PNLIP: variants seen among roughly 807,000 people sequenced by gnomAD.
The protein encoded by PNLIP is pancreatic triacylglycerol lipase.
PNLIP carries 49 observed loss-of-function variants against 57.1 expected under a neutral mutation model. The observed-to-expected ratio is 0.86, with a 90% CI of 0.68 to 1.09. The LOEUF (loss-of-function observed/expected upper bound fraction) is 1.09, where lower values mean the gene tolerates loss of function less well. Ranked by LOEUF, PNLIP falls within the 50% of genes least tolerant of loss-of-function variation. The pLI, the probability that PNLIP is intolerant of heterozygous loss-of-function variation, is 0.00. For missense variants in PNLIP, 503 were observed against 570.2 expected, an observed-to-expected ratio of 0.88 and a Z score of 1.20; for synonymous variants, 209 against 200.4, an observed-to-expected ratio of 1.04 and a Z score of -0.36.
At chr10:116,557,458 G>C (rs529264396) in intron 9 of PNLIP, among the ~76,000 whole-genome samples, 1 of 152,248 alleles carries the variant, frequency 6.6e-6, no homozygotes, top group South Asian at 2.1e-4. Context: ...GGAGTCCATG[G>C]GTGTAAAGTT....
At position 116,560,593 on chromosome 10, in the gene PNLIP, C is replaced by T. The variant is rs1847305361; in HGVS notation, c.1169+69C>T. The T allele has an allele frequency of 4.2e-6, 3 of 708,656 alleles. No homozygotes were observed. The South Asian group carries it at 5.8e-5, about 14-fold the overall frequency. The allele number at this position is 708,656 out of a possible 1,614,324, so 43.9% of individuals were successfully genotyped here. A position where few individuals can be genotyped will look rare whatever the true frequency, so the allele number is the denominator to read the frequency against. ...TTTGAGTCGGAGTCTCGCTGTGTCG[C>T]CGGGGCTGGAGTCTTGCTCTGTCAC... On this transcript the variant is annotated intron_variant, in intron 11 of 12. Coordinates refer to ENST00000369221, the MANE Select transcript of PNLIP (RefSeq NM_000936.4).
chr10:116,567,506 G>T (rs181392381), intron 12 of PNLIP, among the ~76,000 whole-genome samples: 11 of 152,140 alleles, frequency 7.2e-5, no homozygotes, highest in Non-Finnish European at 1.5e-4. Flanking sequence ...TCTTTGGGGC[G>T]TCTACTGACA....
chr10:116,546,260 C>T, intron 2 of PNLIP, 122 bp downstream of exon 2: 1 of 809,652 alleles, frequency 1.2e-6, no homozygotes, highest in Non-Finnish European at 2.1e-6. Context: ...GAGTAAAGCA[C>T]AGGAGACGCA....
At chr10:116,561,672 G>A (rs201482195) in intron 12 of PNLIP, 36 bp downstream of exon 12, 19 of 1,566,668 alleles carry the variant, frequency 1.2e-5, no homozygotes, top group Admixed American at 6.8e-5. Flanking sequence ...GTGAAATATC[G>A]AGTCTGTGTT....
At chr10:116,559,599 TG>T (rs1269263340) in intron 10 of PNLIP, among the ~76,000 whole-genome samples, 1 of 152,180 alleles carries the variant, frequency 6.6e-6, no homozygotes, top group African/African-American at 2.4e-5. Context: ...CTGAGATTTT[TG>T]TAAAAGCAGA....
At chr10:116,551,797 A>G (rs1847196958) in intron 5 of PNLIP, among the ~76,000 whole-genome samples, 1 of 152,174 alleles carries the variant, frequency 6.6e-6, no homozygotes, top group Non-Finnish European at 1.5e-5. Flanking sequence ...AGTTAAACCC[A>G]TTTCCATTTT....
At position 116,548,554 on chromosome 10, in the gene PNLIP, C is replaced by G; in HGVS notation, c.324+72C>G. 3 of 1,511,874 alleles carry G rather than the reference C, an allele frequency of 2.0e-6. No individual in the cohort carries two copies. In the East Asian group the frequency reaches 6.9e-5, roughly 35 times the overall value. 93.7% of individuals were successfully genotyped at this position (1,511,874 alleles called of 1,614,324 possible). A position where few individuals can be genotyped will look rare whatever the true frequency, so the allele number is the denominator to read the frequency against. On this transcript the variant is annotated intron_variant, in intron 4 of 12. Coordinates refer to ENST00000369221, the MANE Select transcript of PNLIP (RefSeq NM_000936.4). ...ATTAACAAACGGTAAGGCACTGGCC[C>G]CGACCAATGAGGACAGTGCTTGGAG... is the stretch of plus-strand genomic sequence containing the variant.
chr10:116,559,161 G>A lies in PNLIP; in HGVS notation c.938G>A (p.Cys313Tyr), dbSNP rs542778266. ...TTTGTTTGTTTTCACTAGAACAAGT[G>A]TTTCCCTTGTCCAAGTGGAGGCTGC... is the stretch of plus-strand genomic sequence containing the variant. ...ASYNVFTANK[C>Y]FPCPSGGCPQ... Residue 313 changes from cysteine (C) to tyrosine (Y), a missense_variant, in exon 10 of 13, where the codon TGT becomes TAT. By Grantham distance (194) the Cys-to-Tyr change is radical (BLOSUM62 -2). Transcript: ENST00000369221. The A allele has an allele frequency of 6.2e-7, 1 of 1,611,210 alleles. No homozygotes were observed. The highest frequency in any genetic ancestry group is 8.5e-7 in the Non-Finnish European group (1 of 1,179,254).
intron 3 of PNLIP, 64 bp from the exon 4 acceptor site, chr10:116,548,296 A>G: frequency 4.5e-6 from 7 of 1,548,664 alleles, no homozygotes; most frequent in Non-Finnish European, 6.2e-6. Flanking sequence ...GCCCCTCTCC[A>G]TGTACAAATG....
chr10:116,564,786 A>G (rs867178027), intron 12 of PNLIP, among the ~76,000 whole-genome samples: 3 of 152,208 alleles, frequency 2.0e-5, no homozygotes, highest in African/African-American at 7.2e-5. Flanking sequence ...TTCTTATACC[A>G]TTTATGAATT....
At chr10:116,547,725 C>CAAAAAAAAAA in intron 3 of PNLIP, among the ~76,000 whole-genome samples, 1 of 47,234 alleles carries the variant, frequency 2.1e-5, no homozygotes, top group Non-Finnish European at 4.1e-5. Flanking sequence ...GACTCCATCT[C>CAAAAAAAAAA]AAAAAAAAAA....
Position 116,545,940 on chromosome 10 carries a change from A to G in PNLIP, c.-19A>G, listed in dbSNP as rs561272676. The G allele has an allele frequency of 2.9e-5, 18 of 618,430 alleles. No homozygotes were observed. The South Asian group carries it at 3.7e-4, about 13-fold the overall frequency. 38.3% of individuals were successfully genotyped at this position (618,430 alleles called of 1,614,324 possible). On this transcript the variant is annotated 5_prime_UTR_variant, in exon 1 of 13. Transcript: ENST00000369221. Reference sequence around the variant, plus strand: ...TTGTTGCTATCTGGTTGCGTGTGGAACCTGACGGAACTGCCACGGTGAGTC... The same window carrying G: ...TTGTTGCTATCTGGTTGCGTGTGGAGCCTGACGGAACTGCCACGGTGAGTC...
chr10:116,549,473 C>T (rs947129012), intron 4 of PNLIP, among the ~76,000 whole-genome samples: 3 of 151,188 alleles, frequency 2.0e-5, no homozygotes, highest in African/African-American at 2.4e-5. Flanking sequence ...AGCAAGATTC[C>T]GTCTCAAAAA....
At chr10:116,564,070 AG>A (rs1455599384) in intron 12 of PNLIP, among the ~76,000 whole-genome samples, 1 of 152,140 alleles carries the variant, frequency 6.6e-6, no homozygotes, top group Non-Finnish European at 1.5e-5. Flanking sequence ...AACAGATCAA[AG>A]AAAATCACAA....
Position 116,551,212 on chromosome 10 carries a change from T to A in PNLIP, c.439T>A (p.Tyr147Asn). 6.2e-7 allele frequency: 1 copy of A among 1,610,584 alleles called. No individual in the cohort carries two copies. The highest frequency in any genetic ancestry group is 8.5e-7 in the Non-Finnish European group (1 of 1,178,524). ...NIRIVGAEVAYFVEFLQSAFG... is the reference protein window; with the variant it reads ...NIRIVGAEVANFVEFLQSAFG... ...CAGGATCGTGGGAGCAGAAGTGGCA[T>A]ATTTTGTTGAATTTCTTCAGGTAAT... is the stretch of plus-strand genomic sequence containing the variant. Residue 147 changes from tyrosine to asparagine, a missense_variant, in exon 5 of 13, where the codon TAT (tyrosine) becomes AAT (asparagine). Physicochemically the swap from Tyr to Asn is moderately radical, Grantham distance 143. Transcript: ENST00000369221.
At chr10:116,557,883 TGG>T (rs966754394) in intron 9 of PNLIP, among the ~76,000 whole-genome samples, 3 of 152,124 alleles carry the variant, frequency 2.0e-5, no homozygotes, top group Admixed American at 6.5e-5. Flanking sequence ...TTAGGCTAGC[TGG>T]GGCATTTTCT....
intron 2 of PNLIP, 53 bp downstream of exon 2, chr10:116,546,191 C>G (rs754809040): frequency 1.5e-5 from 23 of 1,494,936 alleles, no homozygotes; most frequent in Admixed American, 1.5e-4. Context: ...TCAACACGGT[C>G]AGGAGGGCTA....
Position 116,546,050 on chromosome 10 carries a change from T to G in PNLIP, c.1-43T>G, listed in dbSNP as rs186712900. On this transcript the variant is annotated intron_variant, in intron 1 of 12. Coordinates refer to ENST00000369221, the MANE Select transcript of PNLIP (RefSeq NM_000936.4). ...AATGAACTAAAACTTGCCGATCTTT[T>G]AAAAACTTAGCCAGACTCAATCATG... 6.3e-6 allele frequency: 10 copies of G among 1,597,138 alleles called. No individual in the cohort carries two copies. The Admixed American group carries it at 1.5e-4, about 24-fold the overall frequency.
At chr10:116,559,422 T>C in intron 10 of PNLIP, 139 bp downstream of exon 10, 2 of 644,770 alleles carry the variant, frequency 3.1e-6, no homozygotes, top group Non-Finnish European at 5.3e-6. Context: ...CTCAATGCTA[T>C]GTTCAAGGTA....
Sources: allele counts gnomAD v4.1 joint callset (sites outside exome capture counted in the v4.1 genomes callset), GRCh38; gene constraint gnomAD v4.1.1; transcripts MANE v1.5; gene names NCBI Gene and HGNC (gene_info 2026-07-23, HGNC 2026-07-21).